CDH20: variants seen among roughly 807,000 people sequenced by gnomAD.
The protein encoded by CDH20 is cadherin-20.
A neutral mutation model predicts 74.2 loss-of-function variants in CDH20; 29 were observed. The ratio of observed to expected loss-of-function variants is 0.39; its 90% CI spans 0.29 to 0.53. The LOEUF is 0.53. Ranked by LOEUF, CDH20 falls within the 20% of genes least tolerant of loss-of-function variation. The probability of loss-of-function intolerance (pLI) is 0.69; values close to 1 mark genes in which losing one functional copy is unlikely to be tolerated. For synonymous variants in CDH20, 469 were observed against 405.4 expected (o/e 1.16, Z -1.88); for missense variants, 988 against 1,048.3 (o/e 0.94, Z 0.79).
chr18:61,549,995 C>G lies in CDH20; in HGVS notation c.1666C>G (p.Leu556Val). The G allele has an allele frequency of 1.2e-6, 2 of 1,614,078 alleles. No individual in the cohort carries two copies. The highest frequency in any genetic ancestry group is 1.7e-6 in the Non-Finnish European group (2 of 1,179,950). Reference protein sequence around the residue: ...RDNQDNTARILTRRSGFRQQE... With the variant: ...RDNQDNTARIVTRRSGFRQQE... ...TCTTTCAGATAACACAGCACGGATT[C>G]TAACCAGGAGGTCTGGTTTCCGGCA... Residue 556 changes from leucine to valine, a missense_variant, in exon 11 of 12, where the codon CTA becomes GTA. Physicochemically the swap from Leu to Val is conservative, Grantham distance 32 (BLOSUM62 1). Coordinates refer to ENST00000262717, the MANE Select transcript of CDH20 (RefSeq NM_031891.4).
intron 1 of CDH20, among the ~76,000 whole-genome samples, chr18:61,376,078 A>C (rs1265998758): frequency 2.0e-5 from 3 of 152,150 alleles, no homozygotes; most frequent in African/African-American, 7.2e-5. Context: ...CTTCATCTAT[A>C]ATTCTCAGAA....
chr18:61,417,991 T>C (rs2144266235), intron 1 of CDH20, among the ~76,000 whole-genome samples: 1 of 152,300 alleles, frequency 6.6e-6, no homozygotes, highest in African/African-American at 2.4e-5. Flanking sequence ...TGTCCTGATT[T>C]TCTTAAAAAT....
rs1286905652 is a variant in CDH20, at chr18:61,485,835, A to G, written c.-152-4567A>G. Among the ~76,000 whole-genome samples the G allele has an allele frequency of 2.6e-5, 4 of 152,166 alleles. No homozygotes were observed. The East Asian group carries it at 7.7e-4, about 29-fold the overall frequency. On this transcript the variant is annotated intron_variant, in intron 1 of 11. Coordinates refer to ENST00000262717, the MANE Select transcript of CDH20 (RefSeq NM_031891.4). ...ACGCCTGTAATCCCAGCACTTTGGG[A>G]GGCCGAGGTGGGCGGATCACGAGGT...
intron 1 of CDH20, among the ~76,000 whole-genome samples, chr18:61,478,519 G>A (rs76908723): frequency 0.025 from 3,816 of 152,152 alleles, 173 homozygotes; most frequent in East Asian, 0.13. Flanking sequence ...TACTGGGAAC[G>A]CAGTATTATA....
chr18:61,512,886 G>A (rs1911837655), intron 6 of CDH20, among the ~76,000 whole-genome samples: 2 of 152,070 alleles, frequency 1.3e-5, no homozygotes, highest in South Asian at 4.2e-4. Flanking sequence ...TATAATTTCT[G>A]TTCTTTTACA....
intron 6 of CDH20, among the ~76,000 whole-genome samples, chr18:61,509,216 C>T (rs1483393171): frequency 6.6e-6 from 1 of 152,128 alleles, no homozygotes; most frequent in Non-Finnish European, 1.5e-5. Flanking sequence ...ACCCCAATAA[C>T]TTATAGAAAA....
intron 1 of CDH20, among the ~76,000 whole-genome samples, chr18:61,336,298 G>A (rs1451802458): frequency 6.6e-6 from 1 of 152,136 alleles, no homozygotes; most frequent in African/African-American, 2.4e-5. Flanking sequence ...TCCTCCATTG[G>A]GTAAAAGCAC....
chr18:61,430,344 C>T (rs549655808), intron 1 of CDH20, among the ~76,000 whole-genome samples: 1 of 152,190 alleles, frequency 6.6e-6, no homozygotes, highest in South Asian at 2.1e-4. Context: ...AAGGAGAAGA[C>T]CACAGAGGTA....
chr18:61,525,952 C>A (rs1245018867), intron 6 of CDH20, among the ~76,000 whole-genome samples: 1 of 149,856 alleles, frequency 6.7e-6, no homozygotes, highest in African/African-American at 2.5e-5. Context: ...CACATGCCAC[C>A]ACACCCAGCT....
At chr18:61,436,605 C>G (rs980771842) in intron 1 of CDH20, among the ~76,000 whole-genome samples, 1 of 152,072 alleles carries the variant, frequency 6.6e-6, no homozygotes. Flanking sequence ...AGGGATAGAG[C>G]CTGTGTTTAC....
chr18:61,342,213 G>A (rs1909974976), intron 1 of CDH20, among the ~76,000 whole-genome samples: 1 of 152,134 alleles, frequency 6.6e-6, no homozygotes, highest in African/African-American at 2.4e-5. Flanking sequence ...GTCAAAACAT[G>A]TAGTATTCAG....
intron 1 of CDH20, among the ~76,000 whole-genome samples, chr18:61,370,671 A>T (rs941492862): frequency 6.6e-6 from 1 of 152,044 alleles, no homozygotes; most frequent in East Asian, 1.9e-4. Flanking sequence ...ACCCTCCGCA[A>T]ATTTCAAGTA....
intron 1 of CDH20, among the ~76,000 whole-genome samples, chr18:61,369,107 G>A (rs1384288514): frequency 6.6e-6 from 1 of 152,052 alleles, no homozygotes; most frequent in Non-Finnish European, 1.5e-5. Flanking sequence ...AAGAGAAGCA[G>A]CACCACTTAT....
At chr18:61,523,148 T>G (rs1164085536) in intron 6 of CDH20, among the ~76,000 whole-genome samples, 1 of 151,842 alleles carries the variant, frequency 6.6e-6, no homozygotes, top group Non-Finnish European at 1.5e-5. Context: ...GGGAGAAAAT[T>G]TTTGCAATCT....
At chr18:61,414,090 T>C (rs1457912851) in intron 1 of CDH20, among the ~76,000 whole-genome samples, 1 of 152,108 alleles carries the variant, frequency 6.6e-6, no homozygotes, top group African/African-American at 2.4e-5. Flanking sequence ...TATGAATGAG[T>C]CTTCTTGTAG....
At chr18:61,351,807 C>T (rs917673) in intron 1 of CDH20, among the ~76,000 whole-genome samples, 25,038 of 151,802 alleles carry the variant, frequency 0.16, 2,189 homozygotes, top group South Asian at 0.25. Context: ...GTCATGAATA[C>T]CTGTGTCATA....
rs544605086 is a variant in CDH20 at position 61,521,100 on chromosome 18, A to G, written c.1018-6867A>G. 4.3e-4 allele frequency among the ~76,000 whole-genome samples: 65 copies of G among 151,392 alleles called. 5 individuals are homozygous for G. Among genetic ancestry groups the G allele is most frequent in the African/African-American group, 1.3e-3 (54 of 40,812 alleles). ...GAGCAGAACTGAAGGAGATAGAGAC[A>G]CAAAAAAACCTTCAAAAAAATCATT... On this transcript the variant is annotated intron_variant, in intron 6 of 11. Coordinates refer to ENST00000262717, the MANE Select transcript of CDH20 (RefSeq NM_031891.4).
intron 1 of CDH20, among the ~76,000 whole-genome samples, chr18:61,367,434 T>A (rs1322516165): frequency 6.6e-6 from 1 of 152,210 alleles, no homozygotes; most frequent in Non-Finnish European, 1.5e-5. Context: ...AGATTTATTA[T>A]CTCACAGACC....
chr18:61,488,214 G>A (rs1050284382), intron 1 of CDH20, among the ~76,000 whole-genome samples: 1 of 152,020 alleles, frequency 6.6e-6, no homozygotes, highest in Non-Finnish European at 1.5e-5. Context: ...TCCTCAAATG[G>A]AACGCAAGTG....
Sources: gnomAD v4.1 joint callset for allele counts (sites outside exome capture counted in the v4.1 genomes callset) on GRCh38, gnomAD v4.1.1 for gene constraint, MANE v1.5 for transcripts, NCBI Gene and HGNC (gene_info 2026-07-23, HGNC 2026-07-21) for gene names.